ZNF608: variants seen among roughly 807,000 people sequenced by gnomAD.
ZNF608 encodes the protein renal carcinoma antigen NY-REN-36.
ZNF608 carries 12 observed loss-of-function variants against 109.0 expected under a neutral mutation model. The observed-to-expected ratio is 0.11, with a 90% CI of 0.07 to 0.18. The LOEUF (loss-of-function observed/expected upper bound fraction) is 0.18. Ranked by LOEUF, ZNF608 falls within the 10% of genes least tolerant of loss-of-function variation. The pLI is 1.00. For missense variants in ZNF608, 1,707 were observed against 1,879.3 expected, an observed-to-expected ratio of 0.91 and a Z score of 1.70; for synonymous variants, 732 against 717.4, an observed-to-expected ratio of 1.02 and a Z score of -0.33.
chr5:124,644,582 C>T lies in ZNF608; in HGVS notation c.3785G>A (p.Arg1262Lys), dbSNP rs750952620. 3 of 1,613,516 alleles carry T rather than the reference C, an allele frequency of 1.9e-6. No individual in the cohort carries two copies. Among genetic ancestry groups the T allele is most frequent in the Non-Finnish European group, 2.5e-6 (3 of 1,179,894 alleles). ...LDQQKSEELD[R>K]EKKLKEDSPR... ...ACTATCCTCTTTTAATTTCTTCTCT[C>T]TATCAAGTTCTTCTGACTTTTGCTG... Residue 1262 changes from arginine (R) to lysine (K), a missense_variant, in exon 6 of 10, where the codon AGA (arginine) becomes AAA (lysine). Physicochemically the swap from Arg to Lys is conservative, Grantham distance 26. Around this residue, in one of 7 missense-constraint regions of ZNF608, gnomAD observed 1,073 missense variants for 1,133.5 expected, o/e 0.95. Coordinates refer to ENST00000513986, the MANE Select transcript of ZNF608 (RefSeq NM_020747.3).
chr5:124,733,350 C>T (rs971287987), intron 2 of ZNF608, among the ~76,000 whole-genome samples: 2 of 150,672 alleles, frequency 1.3e-5, no homozygotes, highest in African/African-American at 4.9e-5. Context: ...TATGCACCAT[C>T]AACAAAAGCA....
intron 3 of ZNF608, among the ~76,000 whole-genome samples, chr5:124,676,952 G>T (rs1392749164): frequency 1.3e-5 from 2 of 152,036 alleles, no homozygotes; most frequent in Non-Finnish European, 2.9e-5. Context: ...ACCACAATAG[G>T]GTTAAGGAAG....
chr5:124,681,608 A>G (rs751119990), intron 3 of ZNF608, among the ~76,000 whole-genome samples: 1 of 152,168 alleles, frequency 6.6e-6, no homozygotes, highest in African/African-American at 2.4e-5. Context: ...TTGGCCTAGC[A>G]TGTTGGCACA....
At chr5:124,747,647 C>CG (rs1749686818), upstream of ZNF608, among the ~76,000 whole-genome samples, 1 of 151,782 alleles carries the variant, frequency 6.6e-6, no homozygotes, top group Non-Finnish European at 1.5e-5. Flanking sequence ...CCCGCCCCCC[C>CG]GCAGTGGGCG....
At chr5:124,652,817 A>T (rs1750850373) in intron 3 of ZNF608, among the ~76,000 whole-genome samples, 1 of 152,252 alleles carries the variant, frequency 6.6e-6, no homozygotes. Flanking sequence ...AATGCCCATG[A>T]TGAAAATTAG....
chr5:124,662,519 A>G (rs1309485865), intron 3 of ZNF608, among the ~76,000 whole-genome samples: 1 of 152,182 alleles, frequency 6.6e-6, no homozygotes, highest in African/African-American at 2.4e-5. Flanking sequence ...GCCCAAGTCA[A>G]CCTCCAAGAC....
chr5:124,650,138 T>G (rs1043176667), intron 3 of ZNF608, among the ~76,000 whole-genome samples: 1 of 152,204 alleles, frequency 6.6e-6, no homozygotes, highest in African/African-American at 2.4e-5. Context: ...TGTTTCCAAT[T>G]CAACAATATA....
At chr5:124,674,295 A>T (rs2149816668) in intron 3 of ZNF608, among the ~76,000 whole-genome samples, 1 of 152,346 alleles carries the variant, frequency 6.6e-6, no homozygotes, top group East Asian at 1.9e-4. Context: ...ACCGCTGCAC[A>T]TTGGAATCAA....
chr5:124,701,058 G>C lies in ZNF608; in HGVS notation c.1118C>G (p.Thr373Ser). The change falls in exon 3 of 10, where the codon ACC becomes AGC. Residue 373 changes from threonine to serine, a missense_variant. By Grantham distance (58) the Thr-to-Ser change is moderately conservative. This residue lies in a region of ZNF608 where 16 missense variants were observed against 37.0 expected (regional missense o/e 0.43). Coordinates refer to ENST00000513986, the MANE Select transcript of ZNF608 (RefSeq NM_020747.3). ...CACGATCCCTTCCAAATTCACACTG[G>C]TCCCAGGTTCACAGGGCCCAAGACA... The part of the protein sequence containing the change: ...PECLGPCEPG[T>S]SVNLEGIVWH... 6.2e-7 allele frequency: 1 copy of C among 1,614,016 alleles called. No homozygotes were observed. The highest frequency in any genetic ancestry group is 8.5e-7 in the Non-Finnish European group (1 of 1,179,980).
chr5:124,701,282 C>G lies in ZNF608; in HGVS notation c.907-13G>C. On this transcript the variant is annotated splice_polypyrimidine_tract_variant and intron_variant, in intron 2 of 9. Transcript: ENST00000513986. Reference sequence around the variant, plus strand: ...ACAGGGGGTCAACCTGAAAGACAGACAGGCTTACTGCAGTAGTGCTGCATT... The same window carrying G: ...ACAGGGGGTCAACCTGAAAGACAGAGAGGCTTACTGCAGTAGTGCTGCATT... 6.2e-7 allele frequency: 1 copy of G among 1,613,674 alleles called. No individual in the cohort carries two copies. The highest frequency in any genetic ancestry group is 8.5e-7 in the Non-Finnish European group (1 of 1,179,802).
intron 2 of ZNF608, among the ~76,000 whole-genome samples, chr5:124,709,155 A>G (rs1167510423): frequency 8.0e-6 from 1 of 124,344 alleles, no homozygotes; most frequent in Non-Finnish European, 1.6e-5. Flanking sequence ...TGGGCAACAG[A>G]GAGAGACTCT....
chr5:124,743,851 CACAA>C (rs1749523690), intron 2 of ZNF608, among the ~76,000 whole-genome samples: 2 of 133,666 alleles, frequency 1.5e-5, no homozygotes, highest in Non-Finnish European at 3.2e-5. Flanking sequence ...ACACTAGCAT[CACAA>C]GCAGCAGCAG....
At chr5:124,694,046 G>T (rs539325098) in intron 3 of ZNF608, among the ~76,000 whole-genome samples, 12 of 133,938 alleles carry the variant, frequency 9.0e-5, no homozygotes, top group Admixed American at 8.2e-4. Context: ...CGCGATCTCG[G>T]CTCACTGCAA....
At position 124,648,510 on chromosome 5, in the gene ZNF608, G is replaced by A. The variant is rs775280646; in HGVS notation, c.1874C>T (p.Pro625Leu). The change falls in exon 5 of 10, where the codon CCG (proline) becomes CTG (leucine). Residue 625 changes from proline to leucine, a missense_variant. Coordinates refer to ENST00000513986, the MANE Select transcript of ZNF608 (RefSeq NM_020747.3). The part of the protein sequence containing the change: ...SVSAYDQLKA[P>L]ASPGAGNPPG... Reference sequence around the variant, plus strand: ...TGGGTTTCCAGCACCAGGGGATGCCGGTGCCTTCAACTGGTCATAAGCAGA... The same window carrying A: ...TGGGTTTCCAGCACCAGGGGATGCCAGTGCCTTCAACTGGTCATAAGCAGA... The A allele has an allele frequency of 5.1e-5, 83 of 1,614,018 alleles. No homozygotes were observed. The East Asian group carries it at 1.5e-3, about 29-fold the overall frequency.
chr5:124,692,955 AAAGAATCAAGGAC>A (rs1169067950), intron 3 of ZNF608, among the ~76,000 whole-genome samples: 1 of 152,216 alleles, frequency 6.6e-6, no homozygotes, highest in East Asian at 1.9e-4. Context: ...TAAAAACAAC[AAAGAATCAAGGAC>A]AATGATGTAA....
chr5:124,732,343 T>G (rs1015500206), intron 2 of ZNF608, among the ~76,000 whole-genome samples: 5 of 152,058 alleles, frequency 3.3e-5, no homozygotes, highest in Non-Finnish European at 7.4e-5. Context: ...AGATAAAGGG[T>G]TTCACTCCCA....
chr5:124,672,541 T>G (rs927132993), intron 3 of ZNF608, among the ~76,000 whole-genome samples: 4 of 152,236 alleles, frequency 2.6e-5, no homozygotes, highest in African/African-American at 7.2e-5. Flanking sequence ...GACCTTCACT[T>G]ATTTTCACTG....
At chr5:124,694,054 C>A (rs978688403) in intron 3 of ZNF608, among the ~76,000 whole-genome samples, 1 of 132,662 alleles carries the variant, frequency 7.5e-6, no homozygotes, top group African/African-American at 2.8e-5. Context: ...CGGCTCACTG[C>A]AAGCTCTGCC....
upstream of ZNF608, chr5:124,746,859 A>G: frequency 1.2e-6 from 1 of 869,100 alleles, no homozygotes; most frequent in Non-Finnish European, 1.4e-6. Flanking sequence ...ACTGGGCAAG[A>G]GGAGAAAAAG....
Sources: allele counts gnomAD v4.1 joint callset (sites outside exome capture counted in the v4.1 genomes callset), GRCh38; gene constraint gnomAD v4.1.1; regional missense constraint gnomAD v4.1.1; transcripts MANE v1.5; gene names NCBI Gene and HGNC (gene_info 2026-07-23, HGNC 2026-07-21).